Variants in KLHL24 observed in about 807,000 individuals in gnomAD.
KLHL24 encodes the protein kelch-like protein 24.
In KLHL24, 29 loss-of-function variants were observed where a neutral mutation model predicts 53.4. That is an observed-to-expected ratio of 0.54 (90% CI 0.40 to 0.74). The LOEUF (loss-of-function observed/expected upper bound fraction) is 0.74, where lower values mean the gene tolerates loss of function less well. KLHL24 is among the 30% of genes least tolerant of loss of function. KLHL24 has a pLI of 0.00. For missense variants in KLHL24, 504 were observed against 744.0 expected (o/e 0.68, Z 3.75); for synonymous variants, 222 against 253.7 (o/e 0.88, Z 1.19).
At chr3:183,670,519 C>T (rs976168164) in intron 5 of KLHL24, among the ~76,000 whole-genome samples, 7 of 152,092 alleles carry the variant, frequency 4.6e-5, no homozygotes, top group East Asian at 1.9e-4. Flanking sequence ...AGGTATTGTA[C>T]GGACTAAAAG....
rs890247175 is a variant in KLHL24, at chr3:183,636,716, T to C, written c.-125+923T>C. 17 of 152,320 alleles carry C rather than the reference T, an allele frequency of 1.1e-4. 1 individual carries two copies. The highest frequency in any genetic ancestry group is 3.4e-3 in the Middle Eastern group (1 of 294). 9.4% of individuals were successfully genotyped at this position (152,320 alleles called of 1,614,324 possible). A position where few individuals can be genotyped will look rare whatever the true frequency, so the allele number is the denominator to read the frequency against. ...TTATTGTCACTAGGTGGGCCTGCCC[T>C]GGGCCATTCTTCCCGCCCCCTTGAA... On this transcript the variant is annotated intron_variant, in intron 1 of 7. Coordinates refer to ENST00000242810, the MANE Select transcript of KLHL24 (RefSeq NM_017644.3).
rs540611239 is a variant in KLHL24, at chr3:183,658,748, C to G, written c.921-4710C>G. On this transcript the variant is annotated intron_variant, in intron 3 of 7. Transcript: ENST00000242810. The stretch of plus-strand genomic sequence containing the variant: ...TTACATTAGTTTTTGTAAATCTTTG[C>G]TACTCTGCAAAGTGAAAGTGGTATC... Among the ~76,000 whole-genome samples the G allele has an allele frequency of 3.9e-5, 6 of 152,186 alleles. No homozygotes were observed. The East Asian group carries it at 7.7e-4, about 20-fold the overall frequency.
intron 2 of KLHL24, among the ~76,000 whole-genome samples, chr3:183,645,640 C>T (rs934208722): frequency 6.6e-6 from 1 of 152,016 alleles, no homozygotes; most frequent in Non-Finnish European, 1.5e-5. Context: ...ATATTTTAAA[C>T]TCAGATATAT....
Position 183,672,493 on chromosome 3 carries a change from A to G in KLHL24, c.1602+9A>G, listed in dbSNP as rs200281673. 66 of 1,577,674 alleles carry G rather than the reference A, an allele frequency of 4.2e-5. No homozygotes were observed. The East Asian group carries it at 1.4e-3, about 34-fold the overall frequency. ...ATACATTCAGCCGTCAGGTAATAAC[A>G]TAAAGCAGTACAAAAGAAAAATAAA... On this transcript the variant is annotated intron_variant, in intron 7 of 7. Transcript: ENST00000242810.
intron 2 of KLHL24, among the ~76,000 whole-genome samples, chr3:183,648,659 C>T (rs1717674675): frequency 1.3e-5 from 2 of 152,090 alleles, no homozygotes; most frequent in African/African-American, 4.8e-5. Context: ...CATGTATCAG[C>T]TTCTGAAGAT....
intron 3 of KLHL24, among the ~76,000 whole-genome samples, chr3:183,651,627 T>C (rs1241415416): frequency 2.6e-5 from 4 of 152,076 alleles, no homozygotes; most frequent in Non-Finnish European, 4.4e-5. Flanking sequence ...GCTAAGATTT[T>C]AGTAGGCTCT....
intron 2 of KLHL24, among the ~76,000 whole-genome samples, chr3:183,645,698 A>G (rs1717128298): frequency 6.6e-6 from 1 of 152,206 alleles, no homozygotes; most frequent in Non-Finnish European, 1.5e-5. Flanking sequence ...TAGAGCTTTT[A>G]TTTGTTCTCA....
In KLHL24 at chr3:183,651,114, C is replaced by T. The variant is rs375163308; in HGVS notation, c.758C>T (p.Thr253Ile). 27 of 1,614,052 alleles carry T rather than the reference C, an allele frequency of 1.7e-5. No individual in the cohort carries two copies. The highest frequency in any genetic ancestry group is 1.6e-4 in the African/African-American group (12 of 74,928). ...LRRPLLHELL[T>I]HVRLPLLHPN... ...AGACCACTGTTACACGAGCTCCTGA[C>T]ACATGTGAGACTCCCTCTGTTGCAT... Residue 253 changes from threonine to isoleucine, a missense_variant, in exon 3 of 8, where the codon ACA (threonine) becomes ATA (isoleucine). Physicochemically the swap from Thr to Ile is moderately conservative, Grantham distance 89 (BLOSUM62 -1). Transcript: ENST00000242810.
intron 3 of KLHL24, among the ~76,000 whole-genome samples, chr3:183,662,008 C>G (rs1283691500): frequency 6.6e-6 from 1 of 152,082 alleles, no homozygotes; most frequent in Non-Finnish European, 1.5e-5. Flanking sequence ...ACTAAAGTAT[C>G]TGGTGCTGTG....
Position 183,672,354 on chromosome 3 carries a change from C to T in KLHL24, c.1472C>T (p.Ala491Val), listed in dbSNP as rs765098520. 2.5e-6 allele frequency: 4 copies of T among 1,611,746 alleles called. No individual in the cohort carries two copies. The highest frequency in any genetic ancestry group is 3.4e-6 in the Non-Finnish European group (4 of 1,178,712). Reference sequence around the variant, plus strand: ...CTACTTCGTGCAGCTATCCCAATTGCCAAAAGGTGTATAACAGCTGTATCC... The same window carrying T: ...CTACTTCGTGCAGCTATCCCAATTGTCAAAAGGTGTATAACAGCTGTATCC... The part of the protein sequence containing the change: ...SWLLRAAIPI[A>V]KRCITAVSLN... Residue 491 changes from alanine to valine, a missense_variant, in exon 7 of 8, where the codon GCC becomes GTC. By Grantham distance (64) the Ala-to-Val change is moderately conservative. Transcript: ENST00000242810.
chr3:183,640,330 A>C (rs997904213), intron 1 of KLHL24, among the ~76,000 whole-genome samples: 1 of 152,166 alleles, frequency 6.6e-6, no homozygotes, highest in Non-Finnish European at 1.5e-5. Flanking sequence ...GGAGAAATTC[A>C]TATTTTTTTT....
chr3:183,660,192 C>T (rs895315962), intron 3 of KLHL24, among the ~76,000 whole-genome samples: 6 of 149,296 alleles, frequency 4.0e-5, no homozygotes, highest in African/African-American at 7.4e-5. Context: ...AGTGCAGTGG[C>T]ACGATCATGG....
chr3:183,665,899 T>TTTTTTTTA (rs1720485017), intron 5 of KLHL24, among the ~76,000 whole-genome samples: 2 of 151,808 alleles, frequency 1.3e-5, no homozygotes, highest in African/African-American at 4.8e-5. Context: ...TTTTTTTTTT[T>TTTTTTTTA]GAGACAAGGT....
At chr3:183,642,593 C>T (rs1162933325) in intron 1 of KLHL24, among the ~76,000 whole-genome samples, 3 of 133,728 alleles carry the variant, frequency 2.2e-5, no homozygotes, top group African/African-American at 9.3e-5. Flanking sequence ...TCCTCTTCTC[C>T]CCTTCCACCA....
intron 7 of KLHL24, among the ~76,000 whole-genome samples, chr3:183,674,249 TTC>T (rs991050841): frequency 7.7e-6 from 1 of 129,352 alleles, no homozygotes; most frequent in Non-Finnish European, 1.7e-5. Context: ...TCAATTTTCT[TTC>T]TTTCTTTCTT....
Position 183,651,426 on chromosome 3 carries a change from A to G in KLHL24, c.920+150A>G. ...TTATTTTGGATTATATGTCACTAGA[A>G]TGTCTTTCCTAGTGAATTCTAGATT... On this transcript the variant is annotated intron_variant, in intron 3 of 7. Coordinates refer to ENST00000242810, the MANE Select transcript of KLHL24 (RefSeq NM_017644.3). The G allele has an allele frequency of 4.9e-6, 3 of 611,760 alleles. No individual in the cohort carries two copies. The South Asian group carries it at 6.7e-5, about 14-fold the overall frequency. The allele number at this position is 611,760 out of a possible 1,614,324, so 37.9% of individuals were successfully genotyped here. A position where few individuals can be genotyped will look rare whatever the true frequency, so the allele number is the denominator to read the frequency against.
At chr3:183,644,016 G>A (rs1214901846) in intron 2 of KLHL24, 1 of 140,496 alleles carries the variant, frequency 7.1e-6, no homozygotes, top group East Asian at 2.1e-4. Context: ...TGAGATGATA[G>A]GATAACATTT....
Position 183,663,368 on chromosome 3 carries a change from T to G in KLHL24, c.921-90T>G. ...CTTAACTGTTTATAATAGTGCGTGG[T>G]TTGTTTTTAGAGTTTTAAGAAAAAA... On this transcript the variant is annotated intron_variant, in intron 3 of 7. Transcript: ENST00000242810. This position sits in a 1 kb window ranked among gnomAD's most constrained non-coding sequence, Gnocchi z 4.9. 1 of 630,742 alleles carries G rather than the reference T, an allele frequency of 1.6e-6. No homozygotes were observed. The highest frequency in any genetic ancestry group is 2.4e-6 in the Non-Finnish European group (1 of 413,190). The allele number at this position is 630,742 out of a possible 1,614,324, so 39.1% of individuals were successfully genotyped here. A position where few individuals can be genotyped will look rare whatever the true frequency, so the allele number is the denominator to read the frequency against.
intron 2 of KLHL24, among the ~76,000 whole-genome samples, chr3:183,648,821 G>A (rs1717697661): frequency 6.6e-6 from 1 of 152,212 alleles, no homozygotes; most frequent in Middle Eastern, 3.4e-3. Flanking sequence ...GGGCAACATG[G>A]CAAAACCCCT....
Sources: allele counts gnomAD v4.1 joint callset (sites outside exome capture counted in the v4.1 genomes callset), GRCh38; gene constraint gnomAD v4.1.1; non-coding constraint Gnocchi (gnomAD v3.1); transcripts MANE v1.5; gene names NCBI Gene and HGNC (gene_info 2026-07-23, HGNC 2026-07-21).